The following PRMT1 variants were observed in gnomAD, a reference collection of about 807,000 sequenced individuals.
PRMT1 encodes protein arginine methyltransferase 1, also known as protein arginine N-methyltransferase 1.
PRMT1 carries 5 observed loss-of-function variants against 47.4 expected under a neutral mutation model. That is an observed-to-expected ratio of 0.11 (90% CI 0.06 to 0.22). PRMT1 has a LOEUF of 0.22. Among genes scored for constraint, PRMT1 ranks in the 10% least tolerant of loss-of-function variants. The pLI is 1.00. For synonymous variants in PRMT1, 227 were observed against 204.6 expected, an observed-to-expected ratio of 1.11 and a Z score of -0.94; for missense variants, 249 against 518.4, an observed-to-expected ratio of 0.48 and a Z score of 5.05.
rs2123004033 is a variant in PRMT1, at chr19:49,685,905, A to G, written c.760-188A>G. 1.4e-6 allele frequency: 2 copies of G among 1,419,286 alleles called. No homozygotes were observed. The highest frequency in any genetic ancestry group is 3.0e-5 in the South Asian group (2 of 65,650). The allele number at this position is 1,419,286 out of a possible 1,614,324, so 87.9% of individuals were successfully genotyped here. A position where few individuals can be genotyped will look rare whatever the true frequency, so the allele number is the denominator to read the frequency against. On this transcript the variant is annotated intron_variant, in intron 8 of 10. Coordinates refer to ENST00000454376, the MANE Select transcript of PRMT1 (RefSeq NM_001536.6). This position sits in a 1 kb window ranked among gnomAD's most constrained non-coding sequence, Gnocchi z 4.7. The stretch of plus-strand genomic sequence containing the variant: ...GAGCAAGGAATCTGGGCTCGAACCC[A>G]CATGGTTTATTGGGAGCCGGATAGG...
At position 49,681,777 on chromosome 19, in the gene PRMT1, A is replaced by G. The variant is rs1438556221; in HGVS notation, c.193-133A>G. ...AATAAAAATAAATAAATGAATAAAT[A>G]TAAAAGGGAAACTGAGGTGCATGGA... On this transcript the variant is annotated intron_variant, in intron 3 of 10. Coordinates refer to ENST00000454376, the MANE Select transcript of PRMT1 (RefSeq NM_001536.6). The surrounding 1 kb of genome is among the most constrained non-coding windows in gnomAD (Gnocchi z 4.4). The G allele has an allele frequency of 3.3e-6, 2 of 597,330 alleles. No individual in the cohort carries two copies. Among genetic ancestry groups the G allele is most frequent in the Non-Finnish European group, 5.0e-6 (2 of 397,480 alleles). The allele number at this position is 597,330 out of a possible 1,614,324, so 37.0% of individuals were successfully genotyped here.
chr19:49,679,673 A>AC (rs1028522919), intron 1 of PRMT1, 199 bp from the exon 2 acceptor site: 6 of 480,814 alleles, frequency 1.2e-5, no homozygotes, highest in African/African-American at 6.1e-5. Context: ...GGGATAGGAG[A>AC]CCCCCCTTTC....
chr19:49,688,261 C>G lies in PRMT1; in HGVS notation c.*16C>G. 2 of 1,612,660 alleles carry G rather than the reference C, an allele frequency of 1.2e-6. No individual in the cohort carries two copies. Among genetic ancestry groups the G allele is most frequent in the African/African-American group, 2.7e-5 (2 of 75,020 alleles). ...GATGCGCTGAGGCCCGGCTCTCCCG[C>G]CCTGCACGAGCCCAGGGGCTGAGCG... On this transcript the variant is annotated 3_prime_UTR_variant, in exon 11 of 11. Coordinates refer to ENST00000454376, the MANE Select transcript of PRMT1 (RefSeq NM_001536.6). The surrounding 1 kb of genome is among the most constrained non-coding windows in gnomAD (Gnocchi z 5.3).
At chr19:49,676,639 C>T (rs896147875), upstream of PRMT1, among the ~76,000 whole-genome samples, 15 of 152,210 alleles carry the variant, frequency 9.9e-5, 1 homozygote, top group Admixed American at 9.8e-4. Context: ...CGTTTTTCCC[C>T]CAGGTAATGA....
intron 5 of PRMT1, 138 bp from the exon 6 acceptor site, chr19:49,683,789 A>G (rs2082160748): frequency 2.1e-6 from 2 of 950,362 alleles, no homozygotes; most frequent in African/African-American, 3.3e-5. Context: ...GAATTTTAAA[A>G]CTGTTAGAAG....
chr19:49,687,187 T>G (rs376133384), intron 10 of PRMT1, among the ~76,000 whole-genome samples: 2 of 152,042 alleles, frequency 1.3e-5, no homozygotes, highest in African/African-American at 4.8e-5. Context: ...GCTTTTTGTT[T>G]TCTGCTCCCC....
In PRMT1 at chr19:49,687,013, C is replaced by G. The variant is rs1599951984; in HGVS notation, c.1032+287C>G. Among the ~76,000 whole-genome samples the G allele has an allele frequency of 2.0e-5, 3 of 152,148 alleles. No homozygotes were observed. In the East Asian group the frequency reaches 5.8e-4, roughly 29 times the overall value. On this transcript the variant is annotated intron_variant, in intron 10 of 10. Coordinates refer to ENST00000454376, the MANE Select transcript of PRMT1 (RefSeq NM_001536.6). ...GCCCTCCTGGTGCTTCCACTCTAGACAAGGGGGTCAGTGACATGGTGATGC... is the reference window on the plus strand; with the variant it reads ...GCCCTCCTGGTGCTTCCACTCTAGAGAAGGGGGTCAGTGACATGGTGATGC...
In PRMT1 at chr19:49,679,758, CAAG is replaced by C. The variant is rs990775346; in HGVS notation, c.37-110_37-108del. ...TGCCCCCTTCGCCACCACTCCCCAC[CAAG>C]AAGGAGAATTGCTGGAAACCCACCC... On this transcript the variant is annotated intron_variant, in intron 1 of 10. Transcript: ENST00000454376. 45 of 778,148 alleles carry C rather than the reference CAAG, an allele frequency of 5.8e-5. No homozygotes were observed. The Admixed American group carries it at 6.0e-4, about 10-fold the overall frequency. 48.2% of individuals were successfully genotyped at this position (778,148 alleles called of 1,614,324 possible). A position where few individuals can be genotyped will look rare whatever the true frequency, so the allele number is the denominator to read the frequency against.
Position 49,684,135 on chromosome 19 carries a change from G to C in PRMT1, c.555+66G>C. On this transcript the variant is annotated intron_variant, in intron 6 of 10. Coordinates refer to ENST00000454376, the MANE Select transcript of PRMT1 (RefSeq NM_001536.6). This position sits in a 1 kb window ranked among gnomAD's most constrained non-coding sequence, Gnocchi z 6.2. ...GGTCCAGGTAGAAGACGAAAACCAC[G>C]CTCAATTTTTCCCACAGACGGGACT... is the stretch of plus-strand genomic sequence containing the variant. 1.3e-6 allele frequency: 2 copies of C among 1,593,060 alleles called. No homozygotes were observed. The highest frequency in any genetic ancestry group is 2.2e-5 in the East Asian group (1 of 44,622).
chr19:49,677,395 C>CT (rs2082050576), intron 1 of PRMT1, 79 bp downstream of exon 1: 1 of 1,272,828 alleles, frequency 7.9e-7, no homozygotes, highest in African/African-American at 1.5e-5. Context: ...GGAAAGGGCT[C>CT]TAAGTTGGCG....
At chr19:49,678,532 T>C (rs1482247854) in intron 1 of PRMT1, among the ~76,000 whole-genome samples, 5 of 152,130 alleles carry the variant, frequency 3.3e-5, no homozygotes, top group Non-Finnish European at 1.5e-5. Flanking sequence ...TTGGGAGAGC[T>C]GGAGGGAGGG....
Position 49,680,138 on chromosome 19 carries a change from AC to A in PRMT1, c.90+219del. On this transcript the variant is annotated intron_variant, in intron 2 of 10. Transcript: ENST00000454376. This position sits in a 1 kb window ranked among gnomAD's most constrained non-coding sequence, Gnocchi z 4.2. ...CGCTACTTCCTTAACTCCACCTCCA[AC>A]CCCCCTTTGCCCTTCCCTGTGTCTG... 3.1e-6 allele frequency: 4 copies of A among 1,272,284 alleles called. No homozygotes were observed. Among genetic ancestry groups the A allele is most frequent in the Non-Finnish European group, 4.4e-6 (4 of 903,898 alleles). 78.8% of individuals were successfully genotyped at this position (1,272,284 alleles called of 1,614,324 possible).
intron 5 of PRMT1, among the ~76,000 whole-genome samples, chr19:49,682,470 C>CTA (rs2082133528): frequency 6.6e-6 from 1 of 152,170 alleles, no homozygotes; most frequent in Non-Finnish European, 1.5e-5. Flanking sequence ...GAAGCACTCT[C>CTA]TAGTTTCTTG....
At position 49,685,895 on chromosome 19, in the gene PRMT1, G is replaced by A; in HGVS notation, c.760-198G>A. 2 of 1,409,706 alleles carry A rather than the reference G, an allele frequency of 1.4e-6. No homozygotes were observed. The highest frequency in any genetic ancestry group is 1.8e-6 in the Non-Finnish European group (2 of 1,085,234). 87.3% of individuals were successfully genotyped at this position (1,409,706 alleles called of 1,614,324 possible). On this transcript the variant is annotated intron_variant, in intron 8 of 10. Transcript: ENST00000454376. The surrounding 1 kb of genome is among the most constrained non-coding windows in gnomAD (Gnocchi z 4.7). ...GGAGAGGAGGGAGCAAGGAATCTGG[G>A]CTCGAACCCACATGGTTTATTGGGA...
chr19:49,682,135 T>C, intron 4 of PRMT1, 61 bp from the exon 5 acceptor site: 1 of 1,613,354 alleles, frequency 6.2e-7, no homozygotes, highest in East Asian at 2.2e-5. Flanking sequence ...GGCTCAGGGA[T>C]TGGATGGAGG....
chr19:49,686,522 G>A (rs2082206663), intron 9 of PRMT1, 83 bp from the exon 10 acceptor site: 2 of 1,447,802 alleles, frequency 1.4e-6, no homozygotes, highest in African/African-American at 1.4e-5. Context: ...TGTCATGGGG[G>A]TGGGCATTCC....
chr19:49,684,906 C>A lies in PRMT1; in HGVS notation c.644-16C>A, dbSNP rs1263463704. 6.2e-7 allele frequency: 1 copy of A among 1,604,370 alleles called. No individual in the cohort carries two copies. Among genetic ancestry groups the A allele is most frequent in the South Asian group, 1.1e-5 (1 of 90,464 alleles). On this transcript the variant is annotated splice_polypyrimidine_tract_variant and intron_variant, in intron 7 of 10. Coordinates refer to ENST00000454376, the MANE Select transcript of PRMT1 (RefSeq NM_001536.6). This position sits in a 1 kb window ranked among gnomAD's most constrained non-coding sequence, Gnocchi z 6.2. Reference sequence around the variant, plus strand: ...GGGCTGCTGCGGGCTCACCCCCTCCCTGCCTGCCTCCCCAGGGTGGGAGAA... The same window carrying A: ...GGGCTGCTGCGGGCTCACCCCCTCCATGCCTGCCTCCCCAGGGTGGGAGAA...
Position 49,682,044 on chromosome 19 carries a change from C to A in PRMT1, c.327C>A (p.Ala109=). The A allele has an allele frequency of 6.2e-7, 1 of 1,614,136 alleles. No homozygotes were observed. Among genetic ancestry groups the A allele is most frequent in the Non-Finnish European group, 8.5e-7 (1 of 1,180,018 alleles). ...TGILCMFAAK[A]GARKVIGIEC... ...TCCTCTGCATGTTTGCTGCCAAGGCCGGGGCCCGCAAGGTCATCGGGGTGA... is the reference window on the plus strand; with the variant it reads ...TCCTCTGCATGTTTGCTGCCAAGGCAGGGGCCCGCAAGGTCATCGGGGTGA... Residue 109 remains alanine, a synonymous_variant, in exon 4 of 11, where the codon GCC becomes GCA. Coordinates refer to ENST00000454376, the MANE Select transcript of PRMT1 (RefSeq NM_001536.6).
At position 49,684,657 on chromosome 19, in the gene PRMT1, G is replaced by A; in HGVS notation, c.556-97G>A. Reference sequence around the variant, plus strand: ...GGGTGAGTGCCGCTGCGACATGAGGGTGGCCCAGACCAGGGCAGGAGGCCA... The same window carrying A: ...GGGTGAGTGCCGCTGCGACATGAGGATGGCCCAGACCAGGGCAGGAGGCCA... On this transcript the variant is annotated intron_variant, in intron 6 of 10. Transcript: ENST00000454376. This position sits in a 1 kb window ranked among gnomAD's most constrained non-coding sequence, Gnocchi z 6.2. 7.5e-7 allele frequency: 1 copy of A among 1,339,408 alleles called. No individual in the cohort carries two copies. The highest frequency in any genetic ancestry group is 1.3e-5 in the South Asian group (1 of 79,004). 83.0% of individuals were successfully genotyped at this position (1,339,408 alleles called of 1,614,324 possible).
Sources: gnomAD v4.1 joint callset for allele counts (sites outside exome capture counted in the v4.1 genomes callset) on GRCh38, gnomAD v4.1.1 for gene constraint, Gnocchi (gnomAD v3.1) non-coding constraint, MANE v1.5 for transcripts, NCBI Gene and HGNC (gene_info 2026-07-23, HGNC 2026-07-21) for gene names.